ANK2: variants seen among roughly 807,000 people sequenced by gnomAD.
The protein encoded by ANK2 is ankyrin-2.
A neutral mutation model predicts 360.5 loss-of-function variants in ANK2; 83 were observed. That is an observed-to-expected ratio of 0.23 (90% CI 0.19 to 0.28). The LOEUF is 0.28. ANK2 is among the 10% of genes least tolerant of loss of function. The pLI, the probability that ANK2 is intolerant of heterozygous loss-of-function variation, is 1.00. For missense variants in ANK2, 4,201 were observed against 4,795.7 expected, an observed-to-expected ratio of 0.88 and a Z score of 3.66; for synonymous variants, 1,740 against 1,759.5, an observed-to-expected ratio of 0.99 and a Z score of 0.28.
At chr4:112,830,953 C>T (rs2059582817) in intron 1 of ANK2, among the ~76,000 whole-genome samples, 1 of 152,224 alleles carries the variant, frequency 6.6e-6, no homozygotes, top group Admixed American at 6.5e-5. Context: ...GCACCCGGGC[C>T]AGCAGCTGCG....
intron 4 of ANK2, among the ~76,000 whole-genome samples, chr4:113,201,787 A>G (rs938586004): frequency 1.3e-5 from 2 of 152,252 alleles, no homozygotes; most frequent in African/African-American, 2.4e-5. Context: ...CTCACGGAGA[A>G]CAAGCTAAAA....
the ANK2 span, among the ~76,000 whole-genome samples, chr4:112,803,681 A>G: frequency 1.3e-5 from 2 of 152,186 alleles, no homozygotes; most frequent in African/African-American, 2.4e-5. Context: ...ACATACATAC[A>G]CTAAAAAATA....
intron 43 of ANK2, among the ~76,000 whole-genome samples, chr4:113,370,548 A>G (rs1170156169): frequency 6.6e-6 from 1 of 152,100 alleles, no homozygotes; most frequent in African/African-American, 2.4e-5. Flanking sequence ...TCATGAGGTC[A>G]GGAGATCGAG....
chr4:112,834,727 T>A (rs1258564855), intron 1 of ANK2, among the ~76,000 whole-genome samples: 1 of 152,212 alleles, frequency 6.6e-6, no homozygotes, highest in Non-Finnish European at 1.5e-5. Context: ...CTCAAAAATG[T>A]CTTTTTGCAG....
chr4:113,163,764 C>CAAAAAAAAAAAAAAAAAAAAAAAAAAAAA (rs1158530849), intron 1 of ANK2, among the ~76,000 whole-genome samples: 7 of 55,050 alleles, frequency 1.3e-4, no homozygotes, highest in African/African-American at 2.8e-4. Flanking sequence ...AACTTCGTCT[C>CAAAAAAAAAAAAAAAAAAAAAAAAAAAAA]AAAAAAAAAA....
chr4:112,760,901 G>A, the ANK2 span, among the ~76,000 whole-genome samples: 678 of 150,374 alleles, frequency 4.5e-3, 7 homozygotes, highest in Non-Finnish European at 7.6e-3. Context: ...CCACCTCCCA[G>A]GTTCAAGCAA....
chr4:113,279,512 T>G (rs1010144048), intron 17 of ANK2, among the ~76,000 whole-genome samples: 10 of 152,020 alleles, frequency 6.6e-5, no homozygotes, highest in African/African-American at 2.4e-4. Flanking sequence ...CAGACTGACT[T>G]TAGAGCCGGT....
chr4:113,327,990 C>T (rs1296824108), intron 26 of ANK2, among the ~76,000 whole-genome samples: 1 of 152,148 alleles, frequency 6.6e-6, no homozygotes, highest in African/African-American at 2.4e-5. Flanking sequence ...AGGAACTTAG[C>T]TACTTCAATT....
the ANK2 span, among the ~76,000 whole-genome samples, chr4:112,761,041 A>G: frequency 3.5e-4 from 53 of 151,098 alleles, no homozygotes; most frequent in East Asian, 8.7e-3. Context: ...ACTCCTGCCC[A>G]CATGATCCGC....
intron 2 of ANK2, among the ~76,000 whole-genome samples, chr4:112,948,094 A>C (rs2094671274): frequency 6.6e-6 from 1 of 152,192 alleles, no homozygotes; most frequent in South Asian, 2.1e-4. Context: ...TTTCTGTTCA[A>C]ATTAGAAATC....
intron 1 of ANK2, among the ~76,000 whole-genome samples, chr4:112,857,679 C>A (rs1445168437): frequency 1.3e-5 from 2 of 152,174 alleles, no homozygotes; most frequent in African/African-American, 4.8e-5. Context: ...TCACCTCCTA[C>A]TGATTAGAAA....
chr4:112,942,723 C>CA (rs1261841888), intron 2 of ANK2, among the ~76,000 whole-genome samples: 9 of 151,522 alleles, frequency 5.9e-5, no homozygotes, highest in Non-Finnish European at 1.3e-4. Context: ...TGTGTGTGTA[C>CA]ACATATCAAA....
At chr4:113,258,181 T>A in intron 12 of ANK2, 33 bp downstream of exon 12, 1 of 1,586,354 alleles carries the variant, frequency 6.3e-7, no homozygotes, top group Non-Finnish European at 8.7e-7. Flanking sequence ...CACAAAGCAT[T>A]CCTTCTCTTA....
chr4:113,059,338 A>G (rs975695341), intron 1 of ANK2, among the ~76,000 whole-genome samples: 1 of 152,126 alleles, frequency 6.6e-6, no homozygotes, highest in African/African-American at 2.4e-5. Flanking sequence ...GAAGTCAGTC[A>G]AATTCAGAAG....
chr4:113,178,813 A>G (rs1442303565), intron 2 of ANK2, among the ~76,000 whole-genome samples: 1 of 152,162 alleles, frequency 6.6e-6, no homozygotes, highest in Non-Finnish European at 1.5e-5. Flanking sequence ...AAATGTAGAA[A>G]CTGGGCCCAC....
At chr4:113,238,476 T>G (rs965381691) in intron 7 of ANK2, among the ~76,000 whole-genome samples, 1 of 152,210 alleles carries the variant, frequency 6.6e-6, no homozygotes, top group African/African-American at 2.4e-5. Context: ...TTATTTCTTT[T>G]GTTCCCTATC....
At chr4:112,878,347 A>G (rs1002190671) in intron 1 of ANK2, among the ~76,000 whole-genome samples, 5 of 151,900 alleles carry the variant, frequency 3.3e-5, no homozygotes. Flanking sequence ...TTTCTTTGAG[A>G]TGGAGTTTTG....
intron 2 of ANK2, among the ~76,000 whole-genome samples, chr4:112,904,910 T>C (rs2084685197): frequency 6.6e-6 from 1 of 152,168 alleles, no homozygotes; most frequent in South Asian, 2.1e-4. Flanking sequence ...ATCTTCATAA[T>C]TACTTATAAA....
chr4:112,868,724 A>C lies in ANK2; in HGVS notation c.-39-35731A>C, dbSNP rs147398284. On this transcript the variant is annotated intron_variant, in intron 1 of 30. Coordinates refer to the ANK2 transcript ENST00000503271. ...TAAAAAATTAGGGTATAATTGACAA[A>C]ATGAAAATGAGATATATTTACAGTG... 4.1e-3 allele frequency among the ~76,000 whole-genome samples: 623 copies of C among 152,304 alleles called. 4 individuals carry two copies. Among genetic ancestry groups the C allele is most frequent in the African/African-American group, 0.014 (575 of 41,592 alleles).
Sources: allele counts gnomAD v4.1 joint callset (sites outside exome capture counted in the v4.1 genomes callset), GRCh38; gene constraint gnomAD v4.1.1; transcripts MANE v1.5; gene names NCBI Gene and HGNC (gene_info 2026-07-23, HGNC 2026-07-21).